EYS: variants seen among roughly 807,000 people sequenced by gnomAD.
EYS encodes the protein protein eyes shut homolog.
Under a neutral mutation model 282.1 loss-of-function variants are expected in EYS, and 250 were observed. That is an observed-to-expected ratio of 0.89 (90% CI 0.80 to 0.98). The LOEUF (loss-of-function observed/expected upper bound fraction) is 0.98. Among genes scored for constraint, EYS ranks in the 50% least tolerant of loss-of-function variants. EYS has a pLI of 0.00. For synonymous variants in EYS, 1,355 were observed against 1,282.9 expected, an observed-to-expected ratio of 1.06 and a Z score of -1.20; for missense variants, 4,016 against 3,709.0, an observed-to-expected ratio of 1.08 and a Z score of -2.15.
rs529020289 is a variant in EYS at position 64,393,583 on chromosome 6, C to T, written c.5928-4743G>A. Among the ~76,000 whole-genome samples the T allele has an allele frequency of 8.6e-5, 13 of 152,004 alleles. No homozygotes were observed. In the East Asian group the frequency reaches 1.2e-3, roughly 14 times the overall value. The stretch of plus-strand genomic sequence containing the variant: ...AAGGCCTTTGACAAAATTCAACAAC[C>T]CTTCATGCTAAAAACTCTCAATAAA... On this transcript the variant is annotated intron_variant, in intron 28 of 42. Coordinates refer to ENST00000503581, the MANE Select transcript of EYS (RefSeq NM_001142800.2).
At chr6:65,301,650 G>T (rs1768832140) in intron 11 of EYS, among the ~76,000 whole-genome samples, 1 of 152,230 alleles carries the variant, frequency 6.6e-6, no homozygotes, top group African/African-American at 2.4e-5. Flanking sequence ...ACCTTATTCC[G>T]GTATCCTACA....
At chr6:63,895,626 C>T (rs902954178) in intron 35 of EYS, among the ~76,000 whole-genome samples, 3 of 152,194 alleles carry the variant, frequency 2.0e-5, no homozygotes, top group African/African-American at 7.2e-5. Context: ...TACATGGCAT[C>T]TTTCAGTAAG....
chr6:64,496,381 T>C (rs927972029), intron 26 of EYS, among the ~76,000 whole-genome samples: 1 of 151,946 alleles, frequency 6.6e-6, no homozygotes, highest in African/African-American at 2.4e-5. Flanking sequence ...CTGAAATGAA[T>C]AGTGGCCTTG....
rs556753496 is a variant in EYS at position 64,841,529 on chromosome 6, G to A, written c.2993-18707C>T. On this transcript the variant is annotated intron_variant, in intron 19 of 42. Coordinates refer to ENST00000503581, the MANE Select transcript of EYS (RefSeq NM_001142800.2). ...GGCTAAAGGAGATAGAATAGTTCTTGGTCAACAAATTTTAAAAGGCTGATG... is the reference window on the plus strand; with the variant it reads ...GGCTAAAGGAGATAGAATAGTTCTTAGTCAACAAATTTTAAAAGGCTGATG... 2.5e-4 allele frequency among the ~76,000 whole-genome samples: 38 copies of A among 152,080 alleles called. 2 individuals are homozygous for A. The South Asian group carries it at 7.9e-3, about 32-fold the overall frequency.
intron 12 of EYS, among the ~76,000 whole-genome samples, chr6:65,203,276 G>A (rs1314978573): frequency 6.6e-6 from 1 of 152,100 alleles, no homozygotes; most frequent in Non-Finnish European, 1.5e-5. Flanking sequence ...TGCTGGTAGG[G>A]TGAGCTGCAC....
chr6:63,833,037 C>A (rs1409346038), intron 36 of EYS, among the ~76,000 whole-genome samples: 1 of 152,136 alleles, frequency 6.6e-6, no homozygotes, highest in African/African-American at 2.4e-5. Flanking sequence ...TAAAAACTCT[C>A]AATAAACTAG....
At chr6:64,395,587 T>A (rs1280510099) in intron 28 of EYS, among the ~76,000 whole-genome samples, 33 of 139,342 alleles carry the variant, frequency 2.4e-4, no homozygotes, top group Admixed American at 7.1e-4. Context: ...AACAATGAGA[T>A]CACATGGACA....
intron 19 of EYS, among the ~76,000 whole-genome samples, chr6:64,838,296 T>C (rs920217674): frequency 5.9e-5 from 9 of 151,952 alleles, no homozygotes; most frequent in African/African-American, 2.2e-4. Context: ...AACTGACTTA[T>C]CAGATCAAGA....
chr6:64,500,784 T>A (rs1445108588), intron 26 of EYS, among the ~76,000 whole-genome samples: 1 of 152,046 alleles, frequency 6.6e-6, no homozygotes, highest in African/African-American at 2.4e-5. Context: ...AGAGCATCCA[T>A]CAGGAAAAAA....
intron 8 of EYS, among the ~76,000 whole-genome samples, chr6:65,365,893 AT>A (rs1474428849): frequency 4.0e-5 from 6 of 151,700 alleles, no homozygotes; most frequent in Admixed American, 2.0e-4. Context: ...GGATTGCCTT[AT>A]TTTTTAAATC....
chr6:65,234,781 G>A (rs1766882264), intron 12 of EYS, among the ~76,000 whole-genome samples: 1 of 152,172 alleles, frequency 6.6e-6, no homozygotes, highest in Non-Finnish European at 1.5e-5. Flanking sequence ...AGATGCCTCT[G>A]TGAGATATGT....
At chr6:65,624,154 C>T (rs1766615793) in intron 2 of EYS, among the ~76,000 whole-genome samples, 1 of 152,150 alleles carries the variant, frequency 6.6e-6, no homozygotes, top group African/African-American at 2.4e-5. Flanking sequence ...AAGAGACACA[C>T]TTAGTGGCTA....
intron 8 of EYS, among the ~76,000 whole-genome samples, chr6:65,369,302 G>A (rs140665568): frequency 3.6e-4 from 24 of 65,764 alleles, no homozygotes; most frequent in Non-Finnish European, 8.2e-4. Context: ...ATATATTTAT[G>A]TATAATATAT....
intron 12 of EYS, among the ~76,000 whole-genome samples, chr6:65,116,332 T>G (rs1222153906): frequency 6.6e-6 from 1 of 152,102 alleles, no homozygotes; most frequent in Non-Finnish European, 1.5e-5. Flanking sequence ...AATTAACACA[T>G]TTTCCCCATA....
chr6:65,198,705 T>C (rs188308659), intron 12 of EYS, among the ~76,000 whole-genome samples: 3 of 152,300 alleles, frequency 2.0e-5, no homozygotes, highest in Non-Finnish European at 4.4e-5. Flanking sequence ...GATTGACTAC[T>C]CTTTGAAAAA....
At chr6:64,993,482 A>T (rs951911800) in intron 14 of EYS, among the ~76,000 whole-genome samples, 8 of 150,098 alleles carry the variant, frequency 5.3e-5, no homozygotes, top group South Asian at 2.1e-4. Flanking sequence ...CAAGGACAAA[A>T]AATCAAACCT....
At chr6:64,817,265 C>T (rs928105519) in intron 21 of EYS, among the ~76,000 whole-genome samples, 9 of 151,986 alleles carry the variant, frequency 5.9e-5, no homozygotes, top group African/African-American at 2.2e-4. Flanking sequence ...CCCTTTTAAA[C>T]CTGTCAAAAA....
intron 30 of EYS, among the ~76,000 whole-genome samples, chr6:64,246,406 T>A (rs1447993506): frequency 2.0e-5 from 3 of 152,210 alleles, no homozygotes; most frequent in African/African-American, 7.2e-5. Context: ...GCATATCTCC[T>A]AAAGGAATCT....
At chr6:65,047,768 G>C (rs1402905317) in intron 13 of EYS, among the ~76,000 whole-genome samples, 1 of 151,876 alleles carries the variant, frequency 6.6e-6, no homozygotes, top group Non-Finnish European at 1.5e-5. Context: ...CTTACAAAGT[G>C]CGGCAGAGCA....
Sources: gnomAD v4.1 joint callset for allele counts (sites outside exome capture counted in the v4.1 genomes callset) on GRCh38, gnomAD v4.1.1 for gene constraint, MANE v1.5 for transcripts, NCBI Gene and HGNC (gene_info 2026-07-23, HGNC 2026-07-21) for gene names.